Variants in STK33 observed in about 807,000 individuals in gnomAD.
The protein encoded by STK33 is serine/threonine-protein kinase 33.
Under a neutral mutation model 58.0 loss-of-function variants are expected in STK33, and 52 were observed. The ratio of observed to expected loss-of-function variants is 0.90; its 90% confidence interval spans 0.72 to 1.13. The LOEUF (loss-of-function observed/expected upper bound fraction) is 1.13. Among genes scored for constraint, STK33 ranks in the 50% most tolerant of loss-of-function variants. The pLI is 0.00. For synonymous variants in STK33, 215 were observed against 200.1 expected (o/e 1.07, Z -0.63); for missense variants, 630 against 604.2 (o/e 1.04, Z -0.45).
At chr11:8,593,570 G>T (rs148834411) in intron 1 of STK33, among the ~76,000 whole-genome samples, 1 of 152,264 alleles carries the variant, frequency 6.6e-6, no homozygotes, top group Non-Finnish European at 1.5e-5. Context: ...CCAGTACGGG[G>T]CTGCTTTATG....
At chr11:8,561,553 T>C (rs779484424) in intron 1 of STK33, among the ~76,000 whole-genome samples, 1 of 152,226 alleles carries the variant, frequency 6.6e-6, no homozygotes, top group East Asian at 1.9e-4. Context: ...TCTGTGTTCT[T>C]TGAATCTGCA....
intron 4 of STK33, 83 bp downstream of exon 4, chr11:8,476,604 C>T (rs1949301173): frequency 6.6e-6 from 1 of 152,310 alleles, no homozygotes; most frequent in South Asian, 2.1e-4. Context: ...TGCTCCCATG[C>T]TTCACTGTGG....
intron 14 of STK33, among the ~76,000 whole-genome samples, chr11:8,418,441 T>C (rs1941441984): frequency 1.3e-5 from 2 of 152,226 alleles, no homozygotes; most frequent in Admixed American, 6.5e-5. Context: ...TATGGCTGCA[T>C]AGAATTCCAT....
At chr11:8,465,743 ACT>A (rs906763686) in intron 6 of STK33, 12 of 151,192 alleles carry the variant, frequency 7.9e-5, no homozygotes, top group Non-Finnish European at 1.0e-4. Context: ...TCAAAATGCC[ACT>A]CTCTCTCTCT....
the STK33 span, among the ~76,000 whole-genome samples, chr11:8,381,990 C>T: frequency 6.6e-6 from 1 of 152,100 alleles, no homozygotes; most frequent in African/African-American, 2.4e-5. Flanking sequence ...CCTTCCCACC[C>T]ATATCCCTCT....
chr11:8,521,978 CAGA>C (rs1182390534), intron 1 of STK33, among the ~76,000 whole-genome samples: 24 of 152,118 alleles, frequency 1.6e-4, no homozygotes, highest in Non-Finnish European at 2.5e-4. Flanking sequence ...CAGGAAACAA[CAGA>C]TACTGGAGAG....
intron 8 of STK33, among the ~76,000 whole-genome samples, chr11:8,461,598 A>T (rs768276327): frequency 1.4e-4 from 21 of 152,206 alleles, no homozygotes; most frequent in Non-Finnish European, 2.4e-4. Flanking sequence ...CCCAGAACAT[A>T]TTACTGAAGA....
chr11:8,476,554 C>T, intron 4 of STK33, 133 bp downstream of exon 4: 1 of 152,442 alleles, frequency 6.6e-6, no homozygotes, highest in Middle Eastern at 3.1e-3. Flanking sequence ...CTTCTGCTTC[C>T]TCTGCCTGGG....
At chr11:8,452,456 T>C (rs143266260) in intron 11 of STK33, among the ~76,000 whole-genome samples, 180 of 152,270 alleles carry the variant, frequency 1.2e-3, no homozygotes, top group Middle Eastern at 3.4e-3. Context: ...GTTCAAGCTG[T>C]AATCCATACT....
At chr11:8,376,012 G>A in the STK33 span, among the ~76,000 whole-genome samples, 29 of 152,314 alleles carry the variant, frequency 1.9e-4, no homozygotes, top group Admixed American at 1.6e-3. Flanking sequence ...CAGGCACTCA[G>A]GCTACTTAGA....
At chr11:8,529,027 T>A (rs1292458355) in intron 1 of STK33, among the ~76,000 whole-genome samples, 1 of 152,192 alleles carries the variant, frequency 6.6e-6, no homozygotes, top group Non-Finnish European at 1.5e-5. Context: ...GGAAACTAAG[T>A]CAGTATGGCT....
At chr11:8,360,030 C>T in the STK33 span, among the ~76,000 whole-genome samples, 1 of 152,248 alleles carries the variant, frequency 6.6e-6, no homozygotes, top group Admixed American at 6.5e-5. Context: ...AAGCCTTGGC[C>T]TCCAGGGCTC....
At chr11:8,543,123 G>A (rs1955652510) in intron 1 of STK33, among the ~76,000 whole-genome samples, 1 of 152,142 alleles carries the variant, frequency 6.6e-6, no homozygotes, top group African/African-American at 2.4e-5. Context: ...TTCCCCTAGG[G>A]TGACAAATAT....
chr11:8,338,432 G>C, the STK33 span, among the ~76,000 whole-genome samples: 1 of 152,276 alleles, frequency 6.6e-6, no homozygotes, highest in Middle Eastern at 3.4e-3. Flanking sequence ...GATCCTATCA[G>C]TTATCAGGAA....
intron 1 of STK33, among the ~76,000 whole-genome samples, chr11:8,557,445 G>A (rs1266063281): frequency 3.3e-5 from 5 of 151,804 alleles, no homozygotes; most frequent in Admixed American, 1.3e-4. Flanking sequence ...GAATTCTTAC[G>A]TGCCAAAATC....
chr11:8,452,444 T>C (rs768943087), intron 11 of STK33, among the ~76,000 whole-genome samples: 10 of 152,036 alleles, frequency 6.6e-5, no homozygotes, highest in Non-Finnish European at 1.3e-4. Flanking sequence ...ATGGCAAAAA[T>C]TGTTCAAGCT....
At chr11:8,388,726 C>A (rs1848578008), downstream of STK33, among the ~76,000 whole-genome samples, 1 of 152,132 alleles carries the variant, frequency 6.6e-6, no homozygotes, top group Non-Finnish European at 1.5e-5. Flanking sequence ...TGTAGGGTGG[C>A]CTCCTCCCAG....
the STK33 span, among the ~76,000 whole-genome samples, chr11:8,368,692 T>C: frequency 6.6e-6 from 1 of 152,246 alleles, no homozygotes; most frequent in Admixed American, 6.5e-5. Flanking sequence ...GGATGGGAGC[T>C]TGGCCCCTGC....
chr11:8,407,096 T>C (rs1001348788), intron 15 of STK33, among the ~76,000 whole-genome samples: 2 of 152,080 alleles, frequency 1.3e-5, no homozygotes, highest in African/African-American at 2.4e-5. Flanking sequence ...CCCAAAATCA[T>C]TGAGATAATT....
Sources: allele counts gnomAD v4.1 joint callset (sites outside exome capture counted in the v4.1 genomes callset), GRCh38; gene constraint gnomAD v4.1.1; transcripts MANE v1.5; gene names NCBI Gene and HGNC (gene_info 2026-07-23, HGNC 2026-07-21).